Variants in NISCH observed in about 807,000 individuals in gnomAD.
The protein encoded by NISCH is nischarin, also known as I-1 receptor candidate protein.
Under a neutral mutation model 138.4 loss-of-function variants are expected in NISCH, and 55 were observed. The ratio of observed to expected loss-of-function variants is 0.40; its 90% CI spans 0.32 to 0.50. The LOEUF is 0.50. NISCH is among the 20% of genes least tolerant of loss of function. NISCH has a pLI of 0.71. For synonymous variants in NISCH, 860 were observed against 861.5 expected (o/e 1.00, Z 0.03); for missense variants, 1,643 against 2,005.5 (o/e 0.82, Z 3.45).
intron 13 of NISCH, 51 bp from the exon 14 acceptor site, chr3:52,484,462 T>TGGGCGCCCCCCC: frequency 1.3e-6 from 1 of 788,670 alleles, no homozygotes; most frequent in Non-Finnish European, 1.8e-6. Flanking sequence ...ACAGCCGCTC[T>TGGGCGCCCCCCC]CCCCGCCCCA....
intron 6 of NISCH, among the ~76,000 whole-genome samples, chr3:52,473,304 G>C (rs1234463900): frequency 6.6e-6 from 1 of 152,200 alleles, no homozygotes; most frequent in Non-Finnish European, 1.5e-5. Context: ...CTTGGGGAGT[G>C]TGCTTTGACC....
chr3:52,487,091 T>G lies in NISCH; in HGVS notation c.1704-105T>G. 7.7e-7 allele frequency: 1 copy of G among 1,293,298 alleles called. No individual in the cohort carries two copies. Among genetic ancestry groups the G allele is most frequent in the Non-Finnish European group, 1.1e-6 (1 of 940,902 alleles). 80.1% of individuals were successfully genotyped at this position (1,293,298 alleles called of 1,614,324 possible). A position where few individuals can be genotyped will look rare whatever the true frequency, so the allele number is the denominator to read the frequency against. On this transcript the variant is annotated intron_variant, in intron 15 of 20. Coordinates refer to ENST00000345716, the MANE Select transcript of NISCH (RefSeq NM_007184.4). The surrounding 1 kb of genome is among the most constrained non-coding windows in gnomAD (Gnocchi z 9.1). ...GTGGGAGGCTTGGGAGACCCATGGG[T>G]TGGTTTCTCAGGGTCAGGGTGTAGC...
In NISCH at chr3:52,473,765, G is replaced by A; in HGVS notation, c.701G>A (p.Gly234Glu). Residue 234 changes from glycine to glutamate, a missense_variant, in exon 7 of 21, where the codon GGG becomes GAG. Gly to Glu is a moderately conservative substitution (Grantham distance 98, BLOSUM62 -2). Coordinates refer to ENST00000345716, the MANE Select transcript of NISCH (RefSeq NM_007184.4). Reference protein sequence around the residue: ...ISHCDAKHIRGLVASKPTLAT... With the variant: ...ISHCDAKHIRELVASKPTLAT... Reference sequence around the variant, plus strand: ...CACTGTGATGCTAAGCACATCAGAGGGCTGGTCGCATCGAAGCCCACCTTA... The same window carrying A: ...CACTGTGATGCTAAGCACATCAGAGAGCTGGTCGCATCGAAGCCCACCTTA... The A allele has an allele frequency of 1.2e-6, 2 of 1,608,810 alleles. No individual in the cohort carries two copies. The highest frequency in any genetic ancestry group is 1.7e-6 in the Non-Finnish European group (2 of 1,175,758).
rs1707489299 is a variant in NISCH, at chr3:52,489,005, C to T, written c.3114-331C>T. Among the ~76,000 whole-genome samples, 6 of 152,190 alleles carry T rather than the reference C, an allele frequency of 3.9e-5. No individual in the cohort carries two copies. The South Asian group carries it at 8.3e-4, about 21-fold the overall frequency. On this transcript the variant is annotated intron_variant, in intron 16 of 20. Coordinates refer to ENST00000345716, the MANE Select transcript of NISCH (RefSeq NM_007184.4). ...CAAGCATGGCCTCTGGGCACTACCT[C>T]CTCCAGGGTCACAGTCCCACGGATG... is the stretch of plus-strand genomic sequence containing the variant.
At chr3:52,480,838 C>G in intron 13 of NISCH, 1 of 1,529,948 alleles carries the variant, frequency 6.5e-7, no homozygotes, top group Non-Finnish European at 8.7e-7. Flanking sequence ...CGTCTGCCCA[C>G]TATCTTAGCG....
chr3:52,478,850 C>T (rs1390342005), intron 11 of NISCH, among the ~76,000 whole-genome samples: 5 of 152,164 alleles, frequency 3.3e-5, no homozygotes, highest in African/African-American at 1.2e-4. Context: ...TCCTGGACAA[C>T]CTGTGGCCAT....
At position 52,476,587 on chromosome 3, in the gene NISCH, C is replaced by T. The variant is rs61738410; in HGVS notation, c.906C>T (p.Ile302=). The change falls in exon 8 of 21, where the codon ATC becomes ATT. Residue 302 remains isoleucine (I), a synonymous_variant. Transcript: ENST00000345716. ...LDLSHNSVSE[I]DESVKLIPKI... ...TGAGCCACAACAGCGTCTCCGAGAT[C>T]GACGAGTCTGTGGTATGCTCTCAGC... is the stretch of plus-strand genomic sequence containing the variant. 1,675 of 1,614,128 alleles carry T rather than the reference C, an allele frequency of 1.0e-3. 15 individuals are homozygous for T. The African/African-American group carries it at 0.02, about 19-fold the overall frequency.
intron 13 of NISCH, among the ~76,000 whole-genome samples, chr3:52,483,673 C>T (rs1707334054): frequency 1.3e-5 from 2 of 152,236 alleles, no homozygotes. Context: ...CTGGACTCAG[C>T]AGCCCTGCTG....
intron 6 of NISCH, 86 bp from the exon 7 acceptor site, chr3:52,473,648 T>C: frequency 1.1e-6 from 1 of 894,238 alleles, no homozygotes; most frequent in Non-Finnish European, 1.7e-6. Context: ...ATTGTGCTTT[T>C]GTATGGGGGT....
At chr3:52,467,526 G>A (rs1377652199) in intron 3 of NISCH, among the ~76,000 whole-genome samples, 3 of 152,184 alleles carry the variant, frequency 2.0e-5, no homozygotes, top group Non-Finnish European at 2.9e-5. Flanking sequence ...TTTGGGGGCT[G>A]AGGCATTTCT....
intron 3 of NISCH, among the ~76,000 whole-genome samples, chr3:52,466,221 C>G (rs1025205171): frequency 3.3e-5 from 5 of 152,186 alleles, no homozygotes; most frequent in African/African-American, 9.7e-5. Flanking sequence ...TTGAATCACA[C>G]ATATTATGCC....
intron 3 of NISCH, among the ~76,000 whole-genome samples, chr3:52,461,043 CAGCCT>C (rs1349494140): frequency 6.6e-6 from 1 of 152,172 alleles, no homozygotes; most frequent in African/African-American, 2.4e-5. Context: ...AGTTCGAGAC[CAGCCT>C]GGCCAACATA....
chr3:52,482,773 T>TA (rs1707310530), intron 13 of NISCH, among the ~76,000 whole-genome samples: 1 of 152,088 alleles, frequency 6.6e-6, no homozygotes, highest in African/African-American at 2.4e-5. Context: ...ATGTGGTAAA[T>TA]AACGAGAGGC....
At chr3:52,490,559 G>T in intron 18 of NISCH, 146 bp from the exon 19 acceptor site, 2 of 1,139,400 alleles carry the variant, frequency 1.8e-6, no homozygotes, top group Non-Finnish European at 2.5e-6. Flanking sequence ...AAGAGGCTCC[G>T]ACTCCAGAGG....
At chr3:52,473,155 C>G (rs2153231141) in intron 6 of NISCH, among the ~76,000 whole-genome samples, 1 of 152,336 alleles carries the variant, frequency 6.6e-6, no homozygotes, top group South Asian at 2.1e-4. Context: ...CTGGGCTGTT[C>G]CGTCTACAGT....
intron 5 of NISCH, 97 bp downstream of exon 5, chr3:52,472,074 G>A: frequency 7.4e-7 from 1 of 1,348,870 alleles, no homozygotes; most frequent in Non-Finnish European, 1.0e-6. Flanking sequence ...GAGACCATGG[G>A]GGACTGTTGG....
Position 52,489,425 on chromosome 3 carries a change from C to A in NISCH, c.3203C>A (p.Ala1068Asp). 1 of 1,604,006 alleles carries A rather than the reference C, an allele frequency of 6.2e-7. No individual in the cohort carries two copies. Among genetic ancestry groups the A allele is most frequent in the South Asian group, 1.1e-5 (1 of 90,870 alleles). Residue 1068 changes from alanine to aspartate, a missense_variant, in exon 17 of 21, where the codon GCC (alanine) becomes GAC (aspartate). Physicochemically the swap from Ala to Asp is moderately radical, Grantham distance 126. Coordinates refer to ENST00000345716, the MANE Select transcript of NISCH (RefSeq NM_007184.4). Reference sequence around the variant, plus strand: ...GCTCCAGCCCCTGCAGCAGCCTCAGCCTCAGGCCCAGCGAAGACTCCGGCC... The same window carrying A: ...GCTCCAGCCCCTGCAGCAGCCTCAGACTCAGGCCCAGCGAAGACTCCGGCC... ...VPAPAPAAAS[A>D]SGPAKTPAPA...
chr3:52,488,448 G>T lies in NISCH; in HGVS notation c.2956G>T (p.Val986Leu). 1 of 1,613,682 alleles carries T rather than the reference G, an allele frequency of 6.2e-7. No homozygotes were observed. The change falls in exon 16 of 21, where the codon GTG (valine) becomes TTG (leucine). Residue 986 changes from valine (V) to leucine (L), a missense_variant. By Grantham distance (32) the Val-to-Leu change is conservative (BLOSUM62 1). Coordinates refer to ENST00000345716, the MANE Select transcript of NISCH (RefSeq NM_007184.4). ...GTACCGCTTTGTCACTGCCATCTTC[G>T]TGCTGCCCCACGAGAAGTTCCACTT... ...VGYRFVTAIF[V>L]LPHEKFHFLR...
intron 13 of NISCH, chr3:52,480,789 A>G: frequency 6.8e-7 from 1 of 1,469,398 alleles, no homozygotes; most frequent in South Asian, 1.4e-5. Flanking sequence ...AAGATGGGCC[A>G]TCTCTGTCCC....
Sources: allele counts gnomAD v4.1 joint callset (sites outside exome capture counted in the v4.1 genomes callset), GRCh38; gene constraint gnomAD v4.1.1; non-coding constraint Gnocchi (gnomAD v3.1); transcripts MANE v1.5; gene names NCBI Gene and HGNC (gene_info 2026-07-23, HGNC 2026-07-21).